Variants in KCNMB2 observed in about 807,000 individuals in gnomAD.
KCNMB2 encodes the protein calcium-activated potassium channel subunit beta-2.
KCNMB2 carries 9 observed loss-of-function variants against 24.5 expected under a neutral mutation model. The ratio of observed to expected loss-of-function variants is 0.37; its 90% CI spans 0.22 to 0.64. The LOEUF is 0.64. Among genes scored for constraint, KCNMB2 ranks in the 30% least tolerant of loss-of-function variants. KCNMB2 has a pLI of 0.63. For synonymous variants in KCNMB2, 109 were observed against 104.4 expected, an observed-to-expected ratio of 1.04 and a Z score of -0.27; for missense variants, 226 against 284.3, an observed-to-expected ratio of 0.79 and a Z score of 1.47.
At chr3:178,642,398 T>G (rs538316602) in intron 1 of KCNMB2, among the ~76,000 whole-genome samples, 86 of 152,312 alleles carry the variant, frequency 5.6e-4, no homozygotes, top group African/African-American at 2.0e-3. Context: ...TGTGGTTCTG[T>G]TCTCTTATGT....
At chr3:178,599,144 A>G (rs1040586171) in intron 1 of KCNMB2, among the ~76,000 whole-genome samples, 2 of 152,210 alleles carry the variant, frequency 1.3e-5, no homozygotes, top group African/African-American at 4.8e-5. Context: ...AGTGTATTAT[A>G]GCAGTGATTT....
chr3:178,688,165 A>G (rs1476039383), intron 1 of KCNMB2, among the ~76,000 whole-genome samples: 1 of 152,210 alleles, frequency 6.6e-6, no homozygotes, highest in Non-Finnish European at 1.5e-5. Context: ...GAAAAGATAA[A>G]GAAACTAATG....
Position 178,733,044 on chromosome 3 carries a change from C to T in KCNMB2, c.-67-74299C>T, listed in dbSNP as rs147409474. Among the ~76,000 whole-genome samples, 143 of 152,250 alleles carry T rather than the reference C, an allele frequency of 9.4e-4. 1 individual carries two copies. The highest frequency in any genetic ancestry group is 3.2e-3 in the African/African-American group (131 of 41,540). On this transcript the variant is annotated intron_variant, in intron 1 of 4. Coordinates refer to ENST00000452583, the MANE Select transcript of KCNMB2 (RefSeq NM_181361.3). ...TAAATATTTAGGGTTTCATTGTACTCTACTCTTGTGTATCTTTGAAATATT... is the reference window on the plus strand; with the variant it reads ...TAAATATTTAGGGTTTCATTGTACTTTACTCTTGTGTATCTTTGAAATATT...
At position 178,630,857 on chromosome 3, in the gene KCNMB2, A is replaced by T. The variant is rs560262964; in HGVS notation, c.-68+94146A>T. 5.4e-4 allele frequency among the ~76,000 whole-genome samples: 83 copies of T among 152,338 alleles called. 1 individual carries two copies. The highest frequency in any genetic ancestry group is 1.9e-3 in the African/African-American group (78 of 41,576). On this transcript the variant is annotated intron_variant, in intron 1 of 4. Coordinates refer to ENST00000452583, the MANE Select transcript of KCNMB2 (RefSeq NM_181361.3). ...CTCTTAAGAACTCTTAAGAGCTCTT[A>T]TGAACAGAAATGCTGGAATTGTTTT...
At chr3:178,693,898 T>TC (rs1484686298) in intron 1 of KCNMB2, among the ~76,000 whole-genome samples, 2 of 151,490 alleles carry the variant, frequency 1.3e-5, no homozygotes, top group Non-Finnish European at 2.9e-5. Context: ...TTTTCTTTTT[T>TC]TTTTTTAGTT....
At chr3:178,750,345 A>G (rs892942758) in intron 1 of KCNMB2, among the ~76,000 whole-genome samples, 1 of 152,142 alleles carries the variant, frequency 6.6e-6, no homozygotes, top group Non-Finnish European at 1.5e-5. Flanking sequence ...TTATGAAGTC[A>G]TTTCATGATA....
At chr3:178,790,895 T>C (rs180988431) in intron 1 of KCNMB2, among the ~76,000 whole-genome samples, 43 of 152,350 alleles carry the variant, frequency 2.8e-4, no homozygotes, top group African/African-American at 1.0e-3. Flanking sequence ...GCCACAGTGT[T>C]ACTGGGCTTG....
At chr3:178,708,060 T>C (rs1437227026) in intron 1 of KCNMB2, among the ~76,000 whole-genome samples, 1 of 152,194 alleles carries the variant, frequency 6.6e-6, no homozygotes, top group Non-Finnish European at 1.5e-5. Context: ...TCTGCTCAAA[T>C]AAACTCTTTA....
At chr3:178,822,226 T>C (rs1364699025) in intron 2 of KCNMB2, among the ~76,000 whole-genome samples, 3 of 152,254 alleles carry the variant, frequency 2.0e-5, no homozygotes, top group Non-Finnish European at 2.9e-5. Flanking sequence ...TTTGTTCATG[T>C]GAGTCTTTCT....
intron 1 of KCNMB2, among the ~76,000 whole-genome samples, chr3:178,568,851 AGAT>A (rs1553813619): frequency 0.19 from 15,717 of 83,638 alleles, 1,221 homozygotes; most frequent in East Asian, 0.25. Context: ...ATAGATAGAT[AGAT>A]GATAGATAGA....
intron 1 of KCNMB2, chr3:178,757,278 A>G (rs1274576764): frequency 7.6e-6 from 1 of 132,188 alleles, no homozygotes; most frequent in African/African-American, 2.7e-5. Flanking sequence ...GTGTGTATAC[A>G]TATATCCAAG....
intron 1 of KCNMB2, among the ~76,000 whole-genome samples, chr3:178,605,054 G>A (rs1718223798): frequency 6.6e-6 from 1 of 152,114 alleles, no homozygotes; most frequent in African/African-American, 2.4e-5. Flanking sequence ...TCTGGCCTAA[G>A]GTCAAGTAGT....
intron 1 of KCNMB2, among the ~76,000 whole-genome samples, chr3:178,604,088 T>C (rs917975248): frequency 6.6e-6 from 1 of 152,164 alleles, no homozygotes; most frequent in Non-Finnish European, 1.5e-5. Flanking sequence ...TAGTCTTTCA[T>C]CACCTCATAC....
chr3:178,603,909 G>C (rs1454989345), intron 1 of KCNMB2, among the ~76,000 whole-genome samples: 1 of 152,136 alleles, frequency 6.6e-6, no homozygotes, highest in African/African-American at 2.4e-5. Context: ...TGGTCTAAAA[G>C]GAAGAGTATC....
chr3:178,705,949 A>G lies in KCNMB2; in HGVS notation c.-67-101394A>G, dbSNP rs57648716. ...CGGAGGAAGAAAGGCACAAATGTAG[A>G]AGACATACTTTGGCCTTCATTCTAT... is the stretch of plus-strand genomic sequence containing the variant. On this transcript the variant is annotated intron_variant, in intron 1 of 4. Coordinates refer to ENST00000452583, the MANE Select transcript of KCNMB2 (RefSeq NM_181361.3). Among the ~76,000 whole-genome samples, 24 of 152,286 alleles carry G rather than the reference A, an allele frequency of 1.6e-4. No homozygotes were observed. In the East Asian group the frequency reaches 4.6e-3, roughly 29 times the overall value.
chr3:178,809,573 C>G (rs1455302889), intron 2 of KCNMB2, among the ~76,000 whole-genome samples: 1 of 152,180 alleles, frequency 6.6e-6, no homozygotes, highest in Admixed American at 6.6e-5. Flanking sequence ...CCCTGTACCC[C>G]AGTACCTGCC....
intron 1 of KCNMB2, among the ~76,000 whole-genome samples, chr3:178,634,325 C>A (rs114658971): frequency 0.054 from 8,205 of 152,128 alleles, 292 homozygotes; most frequent in Non-Finnish European, 0.081. Flanking sequence ...TAAGGAAATA[C>A]CTGAGACTGG....
intron 1 of KCNMB2, among the ~76,000 whole-genome samples, chr3:178,766,185 C>T (rs1468202201): frequency 6.6e-6 from 1 of 152,004 alleles, no homozygotes; most frequent in African/African-American, 2.4e-5. Flanking sequence ...ATATTCTTAT[C>T]ACAAGTTTTG....
chr3:178,826,349 T>C (rs1270829732), intron 3 of KCNMB2, among the ~76,000 whole-genome samples: 1 of 152,238 alleles, frequency 6.6e-6, no homozygotes, highest in Non-Finnish European at 1.5e-5. Flanking sequence ...CCAGTATCTA[T>C]TAAAGCTCCC....
Sources: gnomAD v4.1 joint callset for allele counts (sites outside exome capture counted in the v4.1 genomes callset) on GRCh38, gnomAD v4.1.1 for gene constraint, MANE v1.5 for transcripts, NCBI Gene and HGNC (gene_info 2026-07-23, HGNC 2026-07-21) for gene names.